STIM1: variants seen among roughly 807,000 people sequenced by gnomAD.
STIM1 encodes stromal interaction molecule 1.
A neutral mutation model predicts 74.7 loss-of-function variants in STIM1; 25 were observed. The observed-to-expected ratio is 0.33, with a 90% CI of 0.24 to 0.47. The LOEUF (loss-of-function observed/expected upper bound fraction) is 0.47. STIM1 is among the 20% of genes least tolerant of loss of function. The pLI is 1.00. For synonymous variants in STIM1, 328 were observed against 348.8 expected (o/e 0.94, Z 0.66); for missense variants, 728 against 920.8 (o/e 0.79, Z 2.71).
At chr11:4,022,003 T>A (rs968001220) in intron 2 of STIM1, among the ~76,000 whole-genome samples, 1 of 152,080 alleles carries the variant, frequency 6.6e-6, no homozygotes, top group Non-Finnish European at 1.5e-5. Context: ...CTCTAACAGT[T>A]TTTTGGTGGT....
At chr11:4,010,202 G>T (rs1013731208) in intron 2 of STIM1, among the ~76,000 whole-genome samples, 1 of 150,204 alleles carries the variant, frequency 6.7e-6, no homozygotes, top group African/African-American at 2.4e-5. Context: ...ACAGAGTCTG[G>T]CCTTGTCATC....
intron 3 of STIM1, among the ~76,000 whole-genome samples, chr11:4,032,736 T>A (rs2094061990): frequency 6.6e-6 from 1 of 152,246 alleles, no homozygotes; most frequent in Non-Finnish European, 1.5e-5. Flanking sequence ...TCACATCTTT[T>A]GTCAGATTTA....
intron 7 of STIM1, among the ~76,000 whole-genome samples, chr11:4,078,933 T>G (rs1045747086): frequency 6.6e-6 from 1 of 152,154 alleles, no homozygotes; most frequent in Non-Finnish European, 1.5e-5. Flanking sequence ...GGGGTAATAC[T>G]GTTGATATTT....
chr11:3,972,969 A>T (rs1053485439), intron 2 of STIM1: 12 of 512,876 alleles, frequency 2.3e-5, no homozygotes, highest in Non-Finnish European at 3.9e-5. Context: ...TGTAGCTTCC[A>T]CCACCTCCAA....
At chr11:3,960,857 C>T (rs1381389803) in intron 1 of STIM1, among the ~76,000 whole-genome samples, 1 of 151,912 alleles carries the variant, frequency 6.6e-6, no homozygotes, top group Non-Finnish European at 1.5e-5. Flanking sequence ...TACAATTCTA[C>T]CCTTCTCGAG....
chr11:4,007,091 T>C (rs1292223796), intron 2 of STIM1, among the ~76,000 whole-genome samples: 2 of 152,128 alleles, frequency 1.3e-5, no homozygotes, highest in Non-Finnish European at 2.9e-5. Flanking sequence ...ACACTTGGGA[T>C]GGGTTTATGC....
At chr11:3,894,016 G>C (rs1489389384) in intron 1 of STIM1, among the ~76,000 whole-genome samples, 2 of 152,098 alleles carry the variant, frequency 1.3e-5, no homozygotes, top group African/African-American at 4.8e-5. Flanking sequence ...CGGAGCTCAA[G>C]CGATCTGCCC....
intron 1 of STIM1, among the ~76,000 whole-genome samples, chr11:3,958,868 C>G (rs1183416162): frequency 6.6e-6 from 1 of 151,496 alleles, no homozygotes; most frequent in Non-Finnish European, 1.5e-5. Flanking sequence ...TCGCTTGAAC[C>G]TGGGAGGCAG....
Position 3,856,319 on chromosome 11 carries a change from C to G in STIM1, c.49C>G (p.Leu17Val). ...CCTGTGGCTCCTCTGGGGACTCCTCCTGCACCAGGGCCAGAGCCTCAGCCA... is the reference window on the plus strand; with the variant it reads ...CCTGTGGCTCCTCTGGGGACTCCTCGTGCACCAGGGCCAGAGCCTCAGCCA... ...LALWLLWGLL[L>V]HQGQSLSHSH... The change falls in exon 1 of 13, where the codon CTG (leucine) becomes GTG (valine). Residue 17 changes from leucine to valine, a missense_variant. Coordinates refer to ENST00000526596, the MANE Select transcript of STIM1 (RefSeq NM_001382567.1). 1 of 1,614,208 alleles carries G rather than the reference C, an allele frequency of 6.2e-7. No homozygotes were observed. The highest frequency in any genetic ancestry group is 8.5e-7 in the Non-Finnish European group (1 of 1,180,046).
chr11:4,050,886 T>C (rs749474631), intron 3 of STIM1, among the ~76,000 whole-genome samples: 24 of 152,168 alleles, frequency 1.6e-4, no homozygotes, highest in Non-Finnish European at 1.3e-4. Context: ...AAGATAATCA[T>C]AAGGAAGAGA....
chr11:4,029,596 A>T (rs968809851), intron 3 of STIM1, among the ~76,000 whole-genome samples: 3 of 149,698 alleles, frequency 2.0e-5, no homozygotes, highest in African/African-American at 7.4e-5. Context: ...GGTGGGAGAG[A>T]GAGACAGAGA....
intron 2 of STIM1, chr11:3,974,132 C>T: frequency 4.6e-6 from 3 of 652,140 alleles, no homozygotes; most frequent in South Asian, 3.2e-5. Context: ...CTCCCTGTTG[C>T]TCAGAATGGC....
At chr11:3,930,991 G>A (rs2092852966) in intron 1 of STIM1, among the ~76,000 whole-genome samples, 1 of 152,186 alleles carries the variant, frequency 6.6e-6, no homozygotes, top group South Asian at 2.1e-4. Context: ...AGATAGATAT[G>A]GTTCCTGCTC....
intron 1 of STIM1, among the ~76,000 whole-genome samples, chr11:3,924,252 G>T (rs1300270494): frequency 3.4e-5 from 5 of 145,358 alleles, no homozygotes; most frequent in Non-Finnish European, 7.4e-5. Context: ...AGTCTGGAGT[G>T]CAGTGGCGCA....
intron 1 of STIM1, among the ~76,000 whole-genome samples, chr11:3,942,067 G>A (rs1301247347): frequency 6.6e-6 from 1 of 152,152 alleles, no homozygotes; most frequent in Non-Finnish European, 1.5e-5. Flanking sequence ...TAAAAATAGA[G>A]TGATCACTGA....
intron 1 of STIM1, among the ~76,000 whole-genome samples, chr11:3,965,152 G>A (rs2135726934): frequency 6.6e-6 from 1 of 152,328 alleles, no homozygotes; most frequent in African/African-American, 2.4e-5. Flanking sequence ...TATAAATAAA[G>A]TTTTATTAGA....
At chr11:3,902,442 G>A (rs2092373268) in intron 1 of STIM1, among the ~76,000 whole-genome samples, 1 of 152,176 alleles carries the variant, frequency 6.6e-6, no homozygotes, top group South Asian at 2.1e-4. Flanking sequence ...AGGGTGCGGG[G>A]TGGGGATGAT....
At chr11:3,994,396 T>C (rs1465108434) in intron 2 of STIM1, among the ~76,000 whole-genome samples, 1 of 152,128 alleles carries the variant, frequency 6.6e-6, no homozygotes, top group Admixed American at 6.6e-5. Context: ...TAGATTAATG[T>C]TTTTCAAAAC....
At chr11:4,026,002 T>C (rs1052479910) in intron 3 of STIM1, among the ~76,000 whole-genome samples, 2 of 152,194 alleles carry the variant, frequency 1.3e-5, no homozygotes, top group African/African-American at 2.4e-5. Flanking sequence ...AAGTGAGAAT[T>C]TTTATATGTC....
Sources: allele counts gnomAD v4.1 joint callset (sites outside exome capture counted in the v4.1 genomes callset), GRCh38; gene constraint gnomAD v4.1.1; transcripts MANE v1.5; gene names NCBI Gene and HGNC (gene_info 2026-07-23, HGNC 2026-07-21).